The following FGGY variants were observed in gnomAD, a reference collection of about 807,000 sequenced individuals.
FGGY encodes the protein FGGY carbohydrate kinase domain-containing protein.
Under a neutral mutation model 71.3 loss-of-function variants are expected in FGGY, and 72 were observed. That is an observed-to-expected ratio of 1.01 (90% confidence interval 0.84 to 1.23). FGGY has a LOEUF of 1.23. Ranked by LOEUF, FGGY falls within the 50% of genes most tolerant of loss-of-function variation. FGGY has a pLI of 0.00. For synonymous variants in FGGY, 251 were observed against 250.3 expected (o/e 1.00, Z -0.02); for missense variants, 668 against 682.3 (o/e 0.98, Z 0.23).
intron 14 of FGGY, among the ~76,000 whole-genome samples, chr1:59,691,631 TTTTTC>T (rs1398898421): frequency 1.3e-5 from 2 of 151,094 alleles, no homozygotes; most frequent in Non-Finnish European, 2.9e-5. Context: ...TTGTTCTTTT[TTTTTC>T]TTTTCTTTTT....
intron 2 of FGGY, among the ~76,000 whole-genome samples, chr1:59,323,962 C>T (rs2046866414): frequency 6.6e-6 from 1 of 152,132 alleles, no homozygotes; most frequent in South Asian, 2.1e-4. Context: ...GGTTAGGGTT[C>T]TTACTGTGTA....
chr1:59,735,998 G>A (rs2098099349), intron 14 of FGGY, among the ~76,000 whole-genome samples: 2 of 152,150 alleles, frequency 1.3e-5, no homozygotes, highest in South Asian at 4.1e-4. Context: ...GACCCAGTGG[G>A]AGGTAACTGA....
intron 2 of FGGY, among the ~76,000 whole-genome samples, chr1:59,334,324 A>G (rs1202095506): frequency 6.6e-6 from 1 of 152,016 alleles, no homozygotes; most frequent in African/African-American, 2.4e-5. Context: ...TGTATTTTTT[A>G]GTAGAGATGG....
chr1:59,363,744 G>C (rs765381028), intron 4 of FGGY, among the ~76,000 whole-genome samples: 58 of 152,314 alleles, frequency 3.8e-4, no homozygotes, highest in Non-Finnish European at 5.9e-4. Context: ...AGGCAGCCAG[G>C]AATCATCACA....
intron 8 of FGGY, 146 bp downstream of exon 8, chr1:59,554,373 T>C (rs1295479403): frequency 3.5e-6 from 2 of 566,978 alleles, no homozygotes; most frequent in Non-Finnish European, 6.2e-6. Flanking sequence ...GAAGCCCAGC[T>C]CCCCACTCTA....
intron 7 of FGGY, among the ~76,000 whole-genome samples, chr1:59,523,680 C>G (rs1426375130): frequency 6.6e-6 from 1 of 152,220 alleles, no homozygotes; most frequent in Non-Finnish European, 1.5e-5. Context: ...CCCAGCCCAC[C>G]TTTCCATACC....
intron 5 of FGGY, among the ~76,000 whole-genome samples, chr1:59,411,724 A>G (rs2063628575): frequency 6.6e-6 from 1 of 152,052 alleles, no homozygotes; most frequent in Admixed American, 6.6e-5. Context: ...TATTGTCTGG[A>G]TTATAATCCA....
At chr1:59,538,697 G>A (rs1412571868) in intron 7 of FGGY, among the ~76,000 whole-genome samples, 9 of 152,098 alleles carry the variant, frequency 5.9e-5, no homozygotes, top group Admixed American at 3.9e-4. Flanking sequence ...CTTTGTTAGG[G>A]ACATGGATGA....
At chr1:59,519,618 T>C (rs2094766677) in intron 7 of FGGY, among the ~76,000 whole-genome samples, 1 of 152,168 alleles carries the variant, frequency 6.6e-6, no homozygotes, top group East Asian at 1.9e-4. Flanking sequence ...AATAATAAAA[T>C]AATAACATTG....
intron 9 of FGGY, among the ~76,000 whole-genome samples, chr1:59,616,937 A>G (rs2096761623): frequency 6.6e-6 from 1 of 152,148 alleles, no homozygotes; most frequent in Non-Finnish European, 1.5e-5. Context: ...CTCCTCACCC[A>G]CCAGTGATGG....
chr1:59,479,408 T>C (rs1022912232), intron 6 of FGGY, among the ~76,000 whole-genome samples: 1 of 152,132 alleles, frequency 6.6e-6, no homozygotes, highest in Non-Finnish European at 1.5e-5. Context: ...GATAAGAAGA[T>C]TCTAGTAGTG....
intron 9 of FGGY, among the ~76,000 whole-genome samples, chr1:59,611,808 C>A (rs910597373): frequency 6.6e-6 from 1 of 152,116 alleles, no homozygotes. Flanking sequence ...CCTTAAAGGA[C>A]CTGATGGAGC....
intron 1 of FGGY, among the ~76,000 whole-genome samples, chr1:59,312,288 T>C (rs1237841146): frequency 3.3e-5 from 5 of 152,232 alleles, no homozygotes; most frequent in African/African-American, 4.8e-5. Flanking sequence ...TGGCATTTTT[T>C]TGCAATTGCT....
intron 2 of FGGY, among the ~76,000 whole-genome samples, chr1:59,330,559 A>G (rs2048270269): frequency 6.9e-6 from 1 of 144,666 alleles, no homozygotes; most frequent in African/African-American, 2.5e-5. Context: ...ACAAAGCAAG[A>G]CTCCATCTCA....
chr1:59,358,156 A>G (rs1570934103), intron 4 of FGGY, among the ~76,000 whole-genome samples: 1 of 152,346 alleles, frequency 6.6e-6, no homozygotes, highest in East Asian at 1.9e-4. Flanking sequence ...CTCAGGGTCA[A>G]TGGATGTCCA....
intron 14 of FGGY, 137 bp from the exon 15 acceptor site, chr1:59,757,794 A>C (rs2098305829): frequency 1.7e-6 from 1 of 595,720 alleles, no homozygotes; most frequent in African/African-American, 1.9e-5. Flanking sequence ...ACCAAAGAAA[A>C]GTAAGTTGAA....
chr1:59,525,063 C>T (rs1054161883), intron 7 of FGGY, among the ~76,000 whole-genome samples: 1 of 152,210 alleles, frequency 6.6e-6, no homozygotes, highest in African/African-American at 2.4e-5. Context: ...TCCAGGTGCC[C>T]GTGTTCCCCT....
intron 14 of FGGY, among the ~76,000 whole-genome samples, chr1:59,701,504 A>G (rs1005992517): frequency 6.6e-6 from 1 of 152,154 alleles, no homozygotes; most frequent in Admixed American, 6.6e-5. Context: ...CTCTGCTTGG[A>G]TAAAATTCCA....
intron 8 of FGGY, among the ~76,000 whole-genome samples, chr1:59,561,617 C>T (rs1340784647): frequency 1.3e-5 from 2 of 152,150 alleles, no homozygotes; most frequent in East Asian, 1.9e-4. Context: ...CTGTTGACCA[C>T]GGACCATGTA....
Sources: gnomAD v4.1 joint callset for allele counts (sites outside exome capture counted in the v4.1 genomes callset) on GRCh38, gnomAD v4.1.1 for gene constraint, MANE v1.5 for transcripts, NCBI Gene and HGNC (gene_info 2026-07-23, HGNC 2026-07-21) for gene names.